GALNT18: variants seen among roughly 807,000 people sequenced by gnomAD.
GALNT18 encodes polypeptide N-acetylgalactosaminyltransferase 18.
Under a neutral mutation model 69.5 loss-of-function variants are expected in GALNT18, and 44 were observed. The observed-to-expected ratio is 0.63, with a 90% CI of 0.50 to 0.81. GALNT18 has a LOEUF of 0.81. Among genes scored for constraint, GALNT18 ranks in the 40% least tolerant of loss-of-function variants. The pLI is 0.00. For synonymous variants in GALNT18, 364 were observed against 318.2 expected (o/e 1.14, Z -1.53); for missense variants, 715 against 810.0 (o/e 0.88, Z 1.42).
At chr11:11,588,883 G>T (rs918060888) in intron 1 of GALNT18, among the ~76,000 whole-genome samples, 2 of 152,198 alleles carry the variant, frequency 1.3e-5, no homozygotes, top group African/African-American at 2.4e-5. Context: ...CATCGAACAA[G>T]CAGTGCCCAT....
In GALNT18 at chr11:11,511,244, A is replaced by G. The variant is rs1857157952; in HGVS notation, c.236-62308T>C. On this transcript the variant is annotated intron_variant, in intron 1 of 10. Coordinates refer to ENST00000227756, the MANE Select transcript of GALNT18 (RefSeq NM_198516.3). This position sits in a 1 kb window ranked among gnomAD's most constrained non-coding sequence, Gnocchi z 4.9. ...TGAATCATGGAATCCCAGCCAAAGA[A>G]TCTGCTGAAGACTGAAGGGACCGGC... 6.6e-6 allele frequency among the ~76,000 whole-genome samples: 1 copy of G among 152,184 alleles called. No homozygotes were observed. Among genetic ancestry groups the G allele is most frequent in the Non-Finnish European group, 1.5e-5 (1 of 68,040 alleles).
At position 11,397,882 on chromosome 11, in the gene GALNT18, G is replaced by A. The variant is rs190920627; in HGVS notation, c.596-18618C>T. ...TTAAGAAGATGAGCAAGAAGGGGCC[G>A]CTGGCTGGGGCCAATGGCATACTGT... On this transcript the variant is annotated intron_variant, in intron 3 of 10. Coordinates refer to ENST00000227756, the MANE Select transcript of GALNT18 (RefSeq NM_198516.3). 3.4e-3 allele frequency among the ~76,000 whole-genome samples: 525 copies of A among 152,334 alleles called. 1 individual carries two copies. Among genetic ancestry groups the A allele is most frequent in the Non-Finnish European group, 5.1e-3 (350 of 68,026 alleles).
rs956119805 is a variant in GALNT18, at chr11:11,506,129, T to C, written c.236-57193A>G. On this transcript the variant is annotated intron_variant, in intron 1 of 10. Coordinates refer to ENST00000227756, the MANE Select transcript of GALNT18 (RefSeq NM_198516.3). The stretch of plus-strand genomic sequence containing the variant: ...AAGAGGGTGAAGCTACCAGTGAAAA[T>C]AAAATTAAGAATTTATTTATCGATT... 3.3e-5 allele frequency among the ~76,000 whole-genome samples: 5 copies of C among 152,264 alleles called. No individual in the cohort carries two copies. The East Asian group carries it at 5.8e-4, about 18-fold the overall frequency.
chr11:11,305,412 C>G (rs534671618), intron 9 of GALNT18, among the ~76,000 whole-genome samples: 5 of 152,236 alleles, frequency 3.3e-5, no homozygotes, highest in Non-Finnish European at 7.4e-5. Flanking sequence ...AATAATCACA[C>G]CAAAATAGAA....
intron 10 of GALNT18, among the ~76,000 whole-genome samples, chr11:11,272,014 GTC>G (rs1488799191): frequency 6.6e-6 from 1 of 151,366 alleles, no homozygotes; most frequent in African/African-American, 2.4e-5. Flanking sequence ...AGCCTGGACT[GTC>G]TGAGCATCTC....
At chr11:11,381,509 A>G (rs1323052971) in intron 3 of GALNT18, among the ~76,000 whole-genome samples, 1 of 152,140 alleles carries the variant, frequency 6.6e-6, no homozygotes, top group Non-Finnish European at 1.5e-5. Context: ...TTGCTACCAA[A>G]TGGTCTCCTA....
At position 11,377,404 on chromosome 11, in the gene GALNT18, G is replaced by C; in HGVS notation, c.780-25C>G. On this transcript the variant is annotated intron_variant, in intron 4 of 10. Coordinates refer to ENST00000227756, the MANE Select transcript of GALNT18 (RefSeq NM_198516.3). This position sits in a 1 kb window ranked among gnomAD's most constrained non-coding sequence, Gnocchi z 4.6. ...CCTGGGCAGAGAGGAGACAGCCAGA[G>C]AGGGTAACCATTTCCAAGGTGGAAA... 1 of 1,609,618 alleles carries C rather than the reference G, an allele frequency of 6.2e-7. No homozygotes were observed. Among genetic ancestry groups the C allele is most frequent in the Non-Finnish European group, 8.5e-7 (1 of 1,176,772 alleles).
rs554763650 is a variant in GALNT18 at position 11,467,087 on chromosome 11, C to T, written c.236-18151G>A. Among the ~76,000 whole-genome samples the T allele has an allele frequency of 1.4e-3, 214 of 152,304 alleles. 1 individual carries two copies. The highest frequency in any genetic ancestry group is 1.1e-3 in the Non-Finnish European group (75 of 68,026). ...AGTATGTGCGGAGGAGAACATCTTCCGAACCTGGGGCCCGGGAGGCAGGAG... is the reference window on the plus strand; with the variant it reads ...AGTATGTGCGGAGGAGAACATCTTCTGAACCTGGGGCCCGGGAGGCAGGAG... On this transcript the variant is annotated intron_variant, in intron 1 of 10. Coordinates refer to ENST00000227756, the MANE Select transcript of GALNT18 (RefSeq NM_198516.3).
rs1179402641 is a variant in GALNT18 at position 11,402,845 on chromosome 11, C to T, written c.596-23581G>A. Among the ~76,000 whole-genome samples, 2 of 152,170 alleles carry T rather than the reference C, an allele frequency of 1.3e-5. No homozygotes were observed. The highest frequency in any genetic ancestry group is 4.8e-5 in the African/African-American group (2 of 41,440). On this transcript the variant is annotated intron_variant, in intron 3 of 10. Transcript: ENST00000227756. The surrounding 1 kb of genome is among the most constrained non-coding windows in gnomAD (Gnocchi z 4.0). Reference sequence around the variant, plus strand: ...GTGCTGTTGGCATCTGACAAGGAGCCTCAGGTGTCCCCACGGGCCCCGGAG... The same window carrying T: ...GTGCTGTTGGCATCTGACAAGGAGCTTCAGGTGTCCCCACGGGCCCCGGAG...
chr11:11,312,375 AC>A (rs1261779594), intron 9 of GALNT18, among the ~76,000 whole-genome samples: 1 of 152,268 alleles, frequency 6.6e-6, no homozygotes, highest in Non-Finnish European at 1.5e-5. Flanking sequence ...CTGAATTCTT[AC>A]AATAAAGTAA....
rs370981237 is a variant in GALNT18 at position 11,402,774 on chromosome 11, G to A, written c.596-23510C>T. Among the ~76,000 whole-genome samples, 12 of 152,324 alleles carry A rather than the reference G, an allele frequency of 7.9e-5. No homozygotes were observed. The South Asian group carries it at 1.5e-3, about 18-fold the overall frequency. ...GCAGCTGCGGGTAAGAACAGCGTCT[G>A]CAGGAGGGAAATAGGAAGATATAAA... On this transcript the variant is annotated intron_variant, in intron 3 of 10. Coordinates refer to ENST00000227756, the MANE Select transcript of GALNT18 (RefSeq NM_198516.3). This position sits in a 1 kb window ranked among gnomAD's most constrained non-coding sequence, Gnocchi z 4.0.
intron 8 of GALNT18, among the ~76,000 whole-genome samples, chr11:11,327,917 C>T (rs762508727): frequency 6.6e-6 from 1 of 152,198 alleles, no homozygotes; most frequent in Non-Finnish European, 1.5e-5. Flanking sequence ...CCATGGTGGG[C>T]ACCAACCCAC....
At chr11:11,299,058 G>A (rs1482794546) in intron 9 of GALNT18, among the ~76,000 whole-genome samples, 1 of 152,162 alleles carries the variant, frequency 6.6e-6, no homozygotes, top group Non-Finnish European at 1.5e-5. Context: ...AACAAGTGGT[G>A]TTCGGTTGTA....
intron 1 of GALNT18, among the ~76,000 whole-genome samples, chr11:11,548,123 T>C (rs915230239): frequency 6.6e-6 from 1 of 152,224 alleles, no homozygotes; most frequent in African/African-American, 2.4e-5. Flanking sequence ...ATTTCCCAGA[T>C]TTTCTAAATT....
At chr11:11,329,440 T>C (rs1373677335) in intron 8 of GALNT18, among the ~76,000 whole-genome samples, 1 of 152,186 alleles carries the variant, frequency 6.6e-6, no homozygotes, top group African/African-American at 2.4e-5. Flanking sequence ...CTCCTCCCTG[T>C]CTATAGTGCT....
At chr11:11,557,433 G>A (rs1355688284) in intron 1 of GALNT18, among the ~76,000 whole-genome samples, 1 of 152,090 alleles carries the variant, frequency 6.6e-6, no homozygotes, top group Non-Finnish European at 1.5e-5. Context: ...AATTTCTCTG[G>A]GTCCTGCCTA....
rs1446981313 is a variant in GALNT18, at chr11:11,347,548, G to C, written c.1093-6544C>G. Among the ~76,000 whole-genome samples the C allele has an allele frequency of 6.6e-6, 1 of 152,214 alleles. No individual in the cohort carries two copies. Among genetic ancestry groups the C allele is most frequent in the Non-Finnish European group, 1.5e-5 (1 of 68,042 alleles). Reference sequence around the variant, plus strand: ...AGGGACTGGGGTTGGTGGCACTTCAGCCTTGTACTTCATAGCCACATCCAC... The same window carrying C: ...AGGGACTGGGGTTGGTGGCACTTCACCCTTGTACTTCATAGCCACATCCAC... On this transcript the variant is annotated intron_variant, in intron 6 of 10. Transcript: ENST00000227756. This position sits in a 1 kb window ranked among gnomAD's most constrained non-coding sequence, Gnocchi z 4.0.
intron 1 of GALNT18, among the ~76,000 whole-genome samples, chr11:11,521,927 A>G (rs2133929307): frequency 6.6e-6 from 1 of 152,244 alleles, no homozygotes; most frequent in East Asian, 1.9e-4. Context: ...TAACCCCATA[A>G]AGGAAGCACA....
At chr11:11,301,320 C>T (rs894697518) in intron 9 of GALNT18, among the ~76,000 whole-genome samples, 7 of 152,144 alleles carry the variant, frequency 4.6e-5, no homozygotes, top group African/African-American at 7.2e-5. Flanking sequence ...GGCTCTTTTC[C>T]CTCTTTTTCA....
Sources: allele counts gnomAD v4.1 joint callset (sites outside exome capture counted in the v4.1 genomes callset), GRCh38; gene constraint gnomAD v4.1.1; non-coding constraint Gnocchi (gnomAD v3.1); transcripts MANE v1.5; gene names NCBI Gene and HGNC (gene_info 2026-07-23, HGNC 2026-07-21).